TRPM7: variants seen among roughly 807,000 people sequenced by gnomAD.
TRPM7 encodes the protein transient receptor potential cation channel subfamily M member 7.
Under a neutral mutation model 229.7 loss-of-function variants are expected in TRPM7, and 134 were observed. That is an observed-to-expected ratio of 0.58 (90% CI 0.51 to 0.67). TRPM7 has a LOEUF of 0.67. TRPM7 is among the 30% of genes least tolerant of loss of function. The probability of loss-of-function intolerance (pLI) is 0.00; values close to 1 mark genes in which losing one functional copy is unlikely to be tolerated. For synonymous variants in TRPM7, 699 were observed against 715.2 expected (o/e 0.98, Z 0.36); for missense variants, 1,901 against 2,210.0 (o/e 0.86, Z 2.80).
At chr15:50,583,581 T>C (rs1381539162) in intron 28 of TRPM7, among the ~76,000 whole-genome samples, 1 of 58,750 alleles carries the variant, frequency 1.7e-5, no homozygotes, top group Non-Finnish European at 3.5e-5. Flanking sequence ...TAGAGTTTTG[T>C]TTTTTTTTTT....
intron 3 of TRPM7, among the ~76,000 whole-genome samples, chr15:50,653,812 G>A (rs778416648): frequency 6.6e-6 from 1 of 152,210 alleles, no homozygotes; most frequent in Non-Finnish European, 1.5e-5. Context: ...GGTCTAAGGT[G>A]TATCTGTGAG....
At chr15:50,644,942 C>A (rs918728665) in intron 4 of TRPM7, among the ~76,000 whole-genome samples, 24 of 151,982 alleles carry the variant, frequency 1.6e-4, no homozygotes, top group African/African-American at 5.8e-4. Flanking sequence ...GGCTCTGTTG[C>A]CCAGGCTGGA....
At chr15:50,619,835 T>C in intron 12 of TRPM7, 37 bp from the exon 13 acceptor site, 1 of 1,536,316 alleles carries the variant, frequency 6.5e-7, no homozygotes, top group Non-Finnish European at 8.9e-7. Flanking sequence ...CTATTATTTT[T>C]CTTCTAAACT....
At chr15:50,575,534 A>G (rs1413705867) in intron 33 of TRPM7, among the ~76,000 whole-genome samples, 190 bp downstream of exon 33, 1 of 152,218 alleles carries the variant, frequency 6.6e-6, no homozygotes, top group African/African-American at 2.4e-5. Flanking sequence ...CCAGTAATGG[A>G]GAAACTCAAT....
chr15:50,628,201 T>C lies in TRPM7; in HGVS notation c.1253A>G (p.Asp418Gly). The C allele has an allele frequency of 1.9e-6, 3 of 1,613,596 alleles. No homozygotes were observed. The highest frequency in any genetic ancestry group is 2.5e-6 in the Non-Finnish European group (3 of 1,179,938). Reference sequence around the variant, plus strand: ...ATGATTTTTGGCAATGTCAACTCTATCCCATGCCAATGTAAGGATAAGCTG... The same window carrying C: ...ATGATTTTTGGCAATGTCAACTCTACCCCATGCCAATGTAAGGATAAGCTG... ...FDQLILTLAW[D>G]RVDIAKNHVF... is the part of the protein sequence containing the mutation. The change falls in exon 11 of 39, where the codon GAT becomes GGT. Residue 418 changes from aspartate (D) to glycine (G), a missense_variant. This residue lies in a region of TRPM7 where 794 missense variants were observed against 881.9 expected (regional missense o/e 0.90). Coordinates refer to ENST00000646667, the MANE Select transcript of TRPM7 (RefSeq NM_017672.6).
chr15:50,584,099 T>C (rs568826269), intron 28 of TRPM7, among the ~76,000 whole-genome samples: 2 of 152,278 alleles, frequency 1.3e-5, no homozygotes, highest in African/African-American at 4.8e-5. Context: ...GAAATGAACT[T>C]TAGAATTAAG....
At chr15:50,602,049 T>G (rs995197410) in intron 21 of TRPM7, among the ~76,000 whole-genome samples, 2 of 151,656 alleles carry the variant, frequency 1.3e-5, no homozygotes, top group Non-Finnish European at 2.9e-5. Context: ...ACCCAAAGGA[T>G]TATAAATCAT....
chr15:50,685,707 C>T (rs924284707), intron 1 of TRPM7, among the ~76,000 whole-genome samples: 2 of 152,172 alleles, frequency 1.3e-5, no homozygotes, highest in African/African-American at 4.8e-5. Context: ...AAATGACTTT[C>T]TTAAGAAATC....
intron 3 of TRPM7, among the ~76,000 whole-genome samples, chr15:50,650,554 G>A (rs995765844): frequency 1.3e-5 from 2 of 152,028 alleles, no homozygotes; most frequent in East Asian, 3.9e-4. Flanking sequence ...AATTAACTAG[G>A]CATGGTGGCG....
At chr15:50,586,368 T>TG in intron 28 of TRPM7, 24 bp downstream of exon 28, 1 of 1,428,676 alleles carries the variant, frequency 7.0e-7, no homozygotes, top group South Asian at 1.2e-5. Context: ...TTTCTGACAC[T>TG]ATTCATATGG....
intron 5 of TRPM7, among the ~76,000 whole-genome samples, chr15:50,640,882 A>C (rs1300088361): frequency 6.6e-6 from 1 of 152,198 alleles, no homozygotes; most frequent in Non-Finnish European, 1.5e-5. Context: ...TGCAAGCCAA[A>C]GAGAGAGGCC....
At chr15:50,565,138 C>T (rs573138456) in intron 38 of TRPM7, among the ~76,000 whole-genome samples, 34 of 152,066 alleles carry the variant, frequency 2.2e-4, no homozygotes, top group African/African-American at 7.2e-4. Context: ...CCCACCACCA[C>T]GCCCAGCTAA....
At chr15:50,653,728 C>G (rs1364799475) in intron 3 of TRPM7, among the ~76,000 whole-genome samples, 1 of 151,906 alleles carries the variant, frequency 6.6e-6, no homozygotes, top group Non-Finnish European at 1.5e-5. Flanking sequence ...AGCAGAGTTA[C>G]CAGAGAAAAG....
chr15:50,678,059 G>A (rs1292221432), intron 1 of TRPM7, among the ~76,000 whole-genome samples: 3 of 150,800 alleles, frequency 2.0e-5, no homozygotes, highest in African/African-American at 7.3e-5. Flanking sequence ...CCGATATGGT[G>A]AAACCACGTC....
At chr15:50,650,047 G>C (rs985675364) in intron 3 of TRPM7, among the ~76,000 whole-genome samples, 2 of 151,790 alleles carry the variant, frequency 1.3e-5, no homozygotes, top group African/African-American at 4.8e-5. Context: ...CAAAAAATTA[G>C]CTGGGCATGG....
At chr15:50,636,173 A>G (rs1229466808) in intron 7 of TRPM7, among the ~76,000 whole-genome samples, 5 of 151,294 alleles carry the variant, frequency 3.3e-5, no homozygotes, top group Non-Finnish European at 7.4e-5. Context: ...CTGTAGGACT[A>G]TAAACAATTC....
chr15:50,618,028 C>T (rs1353433979), intron 13 of TRPM7, among the ~76,000 whole-genome samples: 1 of 151,914 alleles, frequency 6.6e-6, no homozygotes, highest in Non-Finnish European at 1.5e-5. Context: ...TAATTCTAAA[C>T]AAAATTTAAG....
Position 50,593,161 on chromosome 15 carries a change from C to T in TRPM7, c.3608+456G>A, listed in dbSNP as rs556936684. Among the ~76,000 whole-genome samples the T allele has an allele frequency of 8.6e-5, 13 of 152,036 alleles. No homozygotes were observed. In the East Asian group the frequency reaches 1.4e-3, roughly 16 times the overall value. On this transcript the variant is annotated intron_variant, in intron 25 of 38. Transcript: ENST00000646667. Reference sequence around the variant, plus strand: ...AAAATCAGCTGGGTGTGGTGGTGCACGCCGGTAATCCTAGCTACTCAGGAA... The same window carrying T: ...AAAATCAGCTGGGTGTGGTGGTGCATGCCGGTAATCCTAGCTACTCAGGAA...
intron 22 of TRPM7, among the ~76,000 whole-genome samples, chr15:50,598,643 T>C (rs2059694138): frequency 6.6e-6 from 1 of 152,204 alleles, no homozygotes; most frequent in Admixed American, 6.5e-5. Context: ...CAACTCAAGC[T>C]AATGAAATGA....
Sources: allele counts gnomAD v4.1 joint callset (sites outside exome capture counted in the v4.1 genomes callset), GRCh38; gene constraint gnomAD v4.1.1; regional missense constraint gnomAD v4.1.1; transcripts MANE v1.5; gene names NCBI Gene and HGNC (gene_info 2026-07-23, HGNC 2026-07-21).